ITGAD: variants seen among roughly 807,000 people sequenced by gnomAD.
ITGAD encodes integrin subunit alpha D, also known as integrin alpha-D.
In ITGAD, 105 loss-of-function variants were observed where a neutral mutation model predicts 139.0. The observed-to-expected ratio is 0.76, with a 90% CI of 0.65 to 0.89. ITGAD has a LOEUF of 0.89. Ranked by LOEUF, ITGAD falls within the 40% of genes least tolerant of loss-of-function variation. The probability of loss-of-function intolerance (pLI) is 0.00; values close to 1 mark genes in which losing one functional copy is unlikely to be tolerated. For synonymous variants in ITGAD, 569 were observed against 598.3 expected, an observed-to-expected ratio of 0.95 and a Z score of 0.71; for missense variants, 1,384 against 1,487.3, an observed-to-expected ratio of 0.93 and a Z score of 1.14.
Position 31,397,427 on chromosome 16 carries a change from C to T in ITGAD, c.206C>T (p.Ala69Val). 6.2e-7 allele frequency: 1 copy of T among 1,602,286 alleles called. No individual in the cohort carries two copies. Among genetic ancestry groups the T allele is most frequent in the Non-Finnish European group, 8.5e-7 (1 of 1,174,816 alleles). Residue 69 changes from alanine to valine, a missense_variant, in exon 3 of 30, where the codon GCT (alanine) becomes GTT (valine). Physicochemically the swap from Ala to Val is moderately conservative, Grantham distance 64. Coordinates refer to ENST00000389202, the MANE Select transcript of ITGAD (RefSeq NM_005353.3). ...NQTGRLYDCA[A>V]ATGMCQPIPL... ...ACGGGACGGCTGTATGACTGCGCAG[C>T]TGCCACCGGCATGTGCCAGCCCATC...
chr16:31,408,752 TAG>T (rs975816528), intron 10 of ITGAD: 82 of 446,982 alleles, frequency 1.8e-4, no homozygotes, highest in Non-Finnish European at 2.6e-4. Context: ...AGCATCAGGG[TAG>T]AGAGAGAGAT....
At chr16:31,399,263 A>C (rs757833919) in intron 5 of ITGAD, among the ~76,000 whole-genome samples, 5 of 152,216 alleles carry the variant, frequency 3.3e-5, no homozygotes, top group African/African-American at 4.8e-5. Flanking sequence ...TGAAGGTGAA[A>C]GGGATTGAGG....
chr16:31,418,038 T>G, intron 20 of ITGAD, 37 bp from the exon 21 acceptor site: 2 of 1,539,092 alleles, frequency 1.3e-6, no homozygotes, highest in Non-Finnish European at 1.8e-6. Flanking sequence ...CACACATGCA[T>G]GCGGGTAACT....
rs1332511020 is a variant in ITGAD at position 31,407,869 on chromosome 16, T to A, written c.962T>A (p.Leu321His). The change falls in exon 9 of 30, where the codon CTT (leucine) becomes CAT (histidine). Residue 321 changes from leucine to histidine, a missense_variant. Transcript: ENST00000389202. The stretch of plus-strand genomic sequence containing the variant: ...TTCAAGGTGGACAACTTTGCAGCCC[T>A]TGGCAGCATCCAGAAGCAGCTGCAG... The part of the protein sequence containing the change: ...HVFKVDNFAA[L>H]GSIQKQLQEK... The A allele has an allele frequency of 6.2e-7, 1 of 1,600,922 alleles. No homozygotes were observed. The highest frequency in any genetic ancestry group is 1.1e-5 in the South Asian group (1 of 90,804).
intron 4 of ITGAD, 35 bp downstream of exon 4, chr16:31,397,701 T>TGGGGGGGGGGGGGGGGGGGGGGGGGGGG: frequency 7.7e-6 from 2 of 259,028 alleles, no homozygotes; most frequent in Non-Finnish European, 1.3e-5. Flanking sequence ...GGGGGTGGGG[T>TGGGGGGGGGGGGGGGGGGGGGGGGGGGG]GGGGCGGGGG....
intron 9 of ITGAD, 60 bp from the exon 10 acceptor site, chr16:31,408,365 G>T: frequency 7.0e-7 from 1 of 1,426,028 alleles, no homozygotes; most frequent in Non-Finnish European, 9.9e-7. Context: ...TCCTCCCTGT[G>T]TTCTGAGTCC....
In ITGAD at chr16:31,424,480, TAGA is replaced by T. The variant is rs775254367; in HGVS notation, c.3282_3284del (p.Glu1094del). The stretch of plus-strand genomic sequence containing the variant: ...TCTCTAAATCAGATGGAGATGGTGC[TAGA>T]AGAAGACGAGGTCTACAATGCCATT... On this transcript the variant is annotated inframe_deletion, in exon 29 of 30. Transcript: ENST00000389202. The T allele has an allele frequency of 2.5e-5, 41 of 1,613,372 alleles. No individual in the cohort carries two copies. The highest frequency in any genetic ancestry group is 6.7e-5 in the African/African-American group (5 of 74,844).
chr16:31,418,275 CCATT>C, intron 21 of ITGAD, 22 bp from the exon 22 acceptor site: 2 of 1,610,742 alleles, frequency 1.2e-6, no homozygotes, highest in Non-Finnish European at 1.7e-6. Flanking sequence ...CCTTTTATCC[CCATT>C]CTTTCCTTCT....
intron 28 of ITGAD, 131 bp downstream of exon 28, chr16:31,424,334 A>C: frequency 1.6e-6 from 2 of 1,284,228 alleles, no homozygotes; most frequent in Non-Finnish European, 2.2e-6. Context: ...AGCTGTCCCT[A>C]AGGGCACGGG....
Position 31,407,502 on chromosome 16 carries a change from T to G in ITGAD, c.705-13T>G, listed in dbSNP as rs374785882. 7 of 1,557,804 alleles carry G rather than the reference T, an allele frequency of 4.5e-6. No homozygotes were observed. Among genetic ancestry groups the G allele is most frequent in the Non-Finnish European group, 6.1e-6 (7 of 1,150,582 alleles). On this transcript the variant is annotated splice_polypyrimidine_tract_variant and intron_variant, in intron 7 of 29. Coordinates refer to ENST00000389202, the MANE Select transcript of ITGAD (RefSeq NM_005353.3). ...ACATCTCAGTAGAGTCATCTTCCTT[T>G]CCTCCCCGACAGGACACAGCTATTT...
At position 31,414,370 on chromosome 16, in the gene ITGAD, G is replaced by A. The variant is rs1370086175; in HGVS notation, c.1997-81G>A. On this transcript the variant is annotated intron_variant, in intron 16 of 29. Transcript: ENST00000389202. ...GCCCATAGCAGTGTCCAGCAAACAT[G>A]TATTGCATGAACAAATAATGAAAAC... 1.2e-5 allele frequency: 17 copies of A among 1,470,702 alleles called. No homozygotes were observed. In the East Asian group the frequency reaches 3.2e-4, roughly 28 times the overall value. 91.1% of individuals were successfully genotyped at this position (1,470,702 alleles called of 1,614,324 possible).
intron 18 of ITGAD, 134 bp from the exon 19 acceptor site, chr16:31,416,079 G>T: frequency 1.7e-6 from 1 of 589,356 alleles, no homozygotes. Context: ...CCGCACCTGC[G>T]CCCCTTGTTG....
At chr16:31,394,426 C>A in intron 2 of ITGAD, 85 bp downstream of exon 2, 1 of 985,826 alleles carries the variant, frequency 1.0e-6, no homozygotes, top group Non-Finnish European at 1.6e-6. Context: ...AGGGAGGTGT[C>A]CTGGAGGAAG....
chr16:31,394,130 C>T, intron 1 of ITGAD, 106 bp from the exon 2 acceptor site: 1 of 414,528 alleles, frequency 2.4e-6, no homozygotes, highest in Non-Finnish European at 4.1e-6. Flanking sequence ...GACTCCATCT[C>T]AAAAAAAAAA....
intron 5 of ITGAD, among the ~76,000 whole-genome samples, chr16:31,399,220 T>C (rs2081345770): frequency 6.6e-6 from 1 of 152,164 alleles, no homozygotes; most frequent in South Asian, 2.1e-4. Context: ...AGTTTCCTCA[T>C]TGGTAAAATA....
chr16:31,411,172 C>A lies in ITGAD; in HGVS notation c.1453C>A (p.Gln485Lys). ...CATTGGGGCCCCCCATTACTATGAG[C>A]AGACCCGAGGGGGCCAGGTGTCCGT... is the stretch of plus-strand genomic sequence containing the variant. ...ILIGAPHYYE[Q>K]TRGGQVSVCP... The change falls in exon 13 of 30, where the codon CAG becomes AAG. Residue 485 changes from glutamine to lysine, a missense_variant. By Grantham distance (53) the Gln-to-Lys change is moderately conservative. Transcript: ENST00000389202. 6.2e-7 allele frequency: 1 copy of A among 1,613,834 alleles called. No homozygotes were observed. The highest frequency in any genetic ancestry group is 1.1e-5 in the South Asian group (1 of 91,070).
rs1243879765 is a variant in ITGAD, at chr16:31,408,504, T to A, written c.1083+6T>A. ...TCAGCACAGCCCTCACAATGGTGGG[T>A]AGAGCCTGCCCTCAATCCATAGCTC... On this transcript the variant is annotated splice_donor_region_variant and intron_variant, in intron 10 of 29. Coordinates refer to ENST00000389202, the MANE Select transcript of ITGAD (RefSeq NM_005353.3). 6.2e-7 allele frequency: 1 copy of A among 1,612,970 alleles called. No individual in the cohort carries two copies. Among genetic ancestry groups the A allele is most frequent in the Admixed American group, 1.7e-5 (1 of 59,994 alleles).
At chr16:31,410,568 C>A in intron 11 of ITGAD, 44 bp downstream of exon 11, 1 of 1,611,278 alleles carries the variant, frequency 6.2e-7, no homozygotes, top group Non-Finnish European at 8.5e-7. Context: ...AGATGCACTG[C>A]CCAGGGTGGG....
Position 31,426,408 on chromosome 16 carries a change from T to G in ITGAD, c.*280T>G. On this transcript the variant is annotated 3_prime_UTR_variant, in exon 30 of 30. Transcript: ENST00000389202. ...AAATGAGGATGTTTATAGCACACTT[T>G]CCTTGCGTGGAAGAGCTATAACCCA... The G allele has an allele frequency of 3.1e-6, 1 of 324,530 alleles. No homozygotes were observed. Among genetic ancestry groups the G allele is most frequent in the Non-Finnish European group, 5.8e-6 (1 of 171,986 alleles). 20.1% of individuals were successfully genotyped at this position (324,530 alleles called of 1,614,324 possible). A position where few individuals can be genotyped will look rare whatever the true frequency, so the allele number is the denominator to read the frequency against.
Sources: allele counts gnomAD v4.1 joint callset (sites outside exome capture counted in the v4.1 genomes callset), GRCh38; gene constraint gnomAD v4.1.1; transcripts MANE v1.5; gene names NCBI Gene and HGNC (gene_info 2026-07-23, HGNC 2026-07-21).